RNMT: variants seen among roughly 807,000 people sequenced by gnomAD.
RNMT encodes RNA guanine-7 methyltransferase, also known as mRNA cap guanine-N(7) methyltransferase.
Under a neutral mutation model 56.0 loss-of-function variants are expected in RNMT, and 27 were observed. The observed-to-expected ratio is 0.48, with a 90% CI of 0.36 to 0.67. RNMT has a LOEUF of 0.67. Ranked by LOEUF, RNMT falls within the 30% of genes least tolerant of loss-of-function variation. The pLI, the probability that RNMT is intolerant of heterozygous loss-of-function variation, is 0.00. For missense variants in RNMT, 519 were observed against 552.1 expected (o/e 0.94, Z 0.60); for synonymous variants, 184 against 176.2 (o/e 1.04, Z -0.35).
intron 3 of RNMT, among the ~76,000 whole-genome samples, chr18:13,732,886 C>T (rs9964080): frequency 0.059 from 9,002 of 151,354 alleles, 896 homozygotes; most frequent in African/African-American, 0.21. Context: ...CTCAGCCTCC[C>T]GAGTAGCTGG....
chr18:13,752,227 G>A (rs923090054), intron 9 of RNMT, 99 bp from the exon 10 acceptor site: 2 of 702,700 alleles, frequency 2.8e-6, no homozygotes, highest in Non-Finnish European at 5.0e-6. Context: ...AGTACTTACG[G>A]ATTATTCTCC....
intron 11 of RNMT, among the ~76,000 whole-genome samples, chr18:13,758,770 C>G (rs2044582249): frequency 6.6e-6 from 1 of 152,014 alleles, no homozygotes. Context: ...TAGCTTTTTG[C>G]CTATTTTAGC....
At chr18:13,728,317 TTTTTTTTTTTTTTTGTGTGTGTGTGTGTG>T (rs1568494804) in intron 1 of RNMT, among the ~76,000 whole-genome samples, 1 of 13,958 alleles carries the variant, frequency 7.2e-5, no homozygotes, top group African/African-American at 2.9e-4. Context: ...TTTTTTTTTT[TTTTTTTTTTTTTTTGTGTGTGTGTGTGTG>T]TGTGTGTGTG....
At position 13,734,508 on chromosome 18, in the gene RNMT, T is replaced by A. The variant is rs2044127358; in HGVS notation, c.462T>A (p.Asn154Lys). 1 of 1,613,658 alleles carries A rather than the reference T, an allele frequency of 6.2e-7. No individual in the cohort carries two copies. The highest frequency in any genetic ancestry group is 1.7e-5 in the Admixed American group (1 of 59,970). ...GCTCAACAGTGGCTGCCCATTACAA[T>A]GAACTTCAGGAAGTTGGTTTGGAGA... ...GHSSTVAAHY[N>K]ELQEVGLEKR... is the part of the protein sequence containing the mutation. Residue 154 changes from asparagine (N) to lysine (K), a missense_variant, in exon 4 of 12, where the codon AAT (asparagine) becomes AAA (lysine). By Grantham distance (94) the Asn-to-Lys change is moderately conservative. Transcript: ENST00000383314.
intron 11 of RNMT, among the ~76,000 whole-genome samples, chr18:13,758,435 G>A (rs1291965893): frequency 6.6e-6 from 1 of 152,208 alleles, no homozygotes; most frequent in Admixed American, 6.5e-5. Context: ...TTCTACATCA[G>A]CACTTGCTGC....
At chr18:13,754,701 C>T (rs1283443735) in intron 11 of RNMT, among the ~76,000 whole-genome samples, 2 of 152,164 alleles carry the variant, frequency 1.3e-5, no homozygotes, top group Non-Finnish European at 2.9e-5. Flanking sequence ...ATTCTCATTG[C>T]CTATTTGTTA....
At chr18:13,743,335 AATAAATAAATAAAT>A (rs1568505787) in intron 8 of RNMT, among the ~76,000 whole-genome samples, 6 of 100,576 alleles carry the variant, frequency 6.0e-5, no homozygotes, top group East Asian at 2.3e-4. Flanking sequence ...AAAAAAAATA[AATAAATAAATAAAT>A]AAATAAATAA....
At chr18:13,746,683 C>G (rs1480037531) in intron 9 of RNMT, among the ~76,000 whole-genome samples, 1 of 152,208 alleles carries the variant, frequency 6.6e-6, no homozygotes, top group South Asian at 2.1e-4. Context: ...CACTAGATGC[C>G]TTCCAGTAAC....
intron 8 of RNMT, among the ~76,000 whole-genome samples, chr18:13,743,432 T>C (rs187317128): frequency 1.4e-4 from 21 of 152,258 alleles, no homozygotes; most frequent in African/African-American, 4.8e-4. Flanking sequence ...TCACTATAAC[T>C]TTGAAATTGC....
chr18:13,759,344 T>A (rs962321291), intron 11 of RNMT, among the ~76,000 whole-genome samples: 2 of 152,160 alleles, frequency 1.3e-5, no homozygotes, highest in African/African-American at 4.8e-5. Context: ...TAGCTGTCTT[T>A]GAGTCAAAGC....
intron 11 of RNMT, among the ~76,000 whole-genome samples, chr18:13,754,485 C>T (rs2044509971): frequency 6.6e-6 from 1 of 152,048 alleles, no homozygotes; most frequent in Admixed American, 6.5e-5. Flanking sequence ...CCAGTCTGGG[C>T]AACACAGCGA....
At chr18:13,745,069 C>A (rs2044329455) in intron 8 of RNMT, among the ~76,000 whole-genome samples, 2 of 152,164 alleles carry the variant, frequency 1.3e-5, no homozygotes, top group Admixed American at 1.3e-4. Flanking sequence ...TGTGAGGGCC[C>A]AGCAGTGGGA....
At chr18:13,739,005 C>T (rs1602009352) in intron 5 of RNMT, among the ~76,000 whole-genome samples, 1 of 152,274 alleles carries the variant, frequency 6.6e-6, no homozygotes, top group African/African-American at 2.4e-5. Flanking sequence ...CCTAACAGGC[C>T]GTGGACCTGT....
chr18:13,740,062 C>A, intron 5 of RNMT, 105 bp from the exon 6 acceptor site: 1 of 694,152 alleles, frequency 1.4e-6, no homozygotes, highest in Non-Finnish European at 2.5e-6. Flanking sequence ...AACCTTTTCA[C>A]TGGTACTAAG....
chr18:13,742,796 A>T (rs1380353350), intron 8 of RNMT, 144 bp downstream of exon 8: 85 of 569,396 alleles, frequency 1.5e-4, no homozygotes, highest in Middle Eastern at 4.7e-4. Context: ...TGTGTTTTTA[A>T]AAAAAAAAAA....
At chr18:13,751,924 C>T (rs2044454702) in intron 9 of RNMT, among the ~76,000 whole-genome samples, 1 of 151,766 alleles carries the variant, frequency 6.6e-6, no homozygotes, top group East Asian at 1.9e-4. Context: ...GCAATGAGAA[C>T]ACATGGACAC....
intron 9 of RNMT, among the ~76,000 whole-genome samples, chr18:13,748,152 T>C (rs944430755): frequency 6.6e-6 from 1 of 152,166 alleles, no homozygotes; most frequent in Non-Finnish European, 1.5e-5. Flanking sequence ...AGGAAGAAGA[T>C]TGGTAGAGGA....
chr18:13,734,761 T>C lies in RNMT; in HGVS notation c.553+162T>C, dbSNP rs763598505. On this transcript the variant is annotated intron_variant, in intron 4 of 11. Transcript: ENST00000383314. ...GATTTTAATGAGTGTTTAATTATTA[T>C]GTTAATCAGGTTTTCAGAAGGCAAT... is the stretch of plus-strand genomic sequence containing the variant. Among the ~76,000 whole-genome samples, 17 of 152,342 alleles carry C rather than the reference T, an allele frequency of 1.1e-4. No individual in the cohort carries two copies. In the East Asian group the frequency reaches 1.3e-3, roughly 12 times the overall value.
rs2044604072 is a variant in RNMT at position 13,760,325 on chromosome 18, C to T, written c.*346C>T. The T allele has an allele frequency of 9.7e-7, 1 of 1,030,094 alleles. No homozygotes were observed. The highest frequency in any genetic ancestry group is 4.2e-5 in the South Asian group (1 of 23,794). The allele number at this position is 1,030,094 out of a possible 1,614,324, so 63.8% of individuals were successfully genotyped here. On this transcript the variant is annotated 3_prime_UTR_variant, in exon 12 of 12. Transcript: ENST00000383314. ...TTCAGATTTGTCCTGTGTGTGTTTA[C>T]AGTATTCAATTTATTGCAGTTATAG...
Sources: gnomAD v4.1 joint callset for allele counts (sites outside exome capture counted in the v4.1 genomes callset) on GRCh38, gnomAD v4.1.1 for gene constraint, MANE v1.5 for transcripts, NCBI Gene and HGNC (gene_info 2026-07-23, HGNC 2026-07-21) for gene names.